Variants in EDIL3 observed in about 807,000 individuals in gnomAD.
The protein encoded by EDIL3 is EGF like and discoidin domains 3, also known as EGF-like repeat and discoidin I-like domain-containing protein 3.
EDIL3 carries 37 observed loss-of-function variants against 67.4 expected under a neutral mutation model. The observed-to-expected ratio is 0.55, with a 90% CI of 0.42 to 0.72. The LOEUF is 0.72. Among genes scored for constraint, EDIL3 ranks in the 30% least tolerant of loss-of-function variants. The pLI is 0.00. For missense variants in EDIL3, 527 were observed against 586.3 expected (o/e 0.90, Z 1.04); for synonymous variants, 195 against 196.3 (o/e 0.99, Z 0.05).
intron 9 of EDIL3, among the ~76,000 whole-genome samples, chr5:83,997,999 C>T (rs750191637): frequency 6.6e-6 from 1 of 152,106 alleles, no homozygotes; most frequent in Admixed American, 6.5e-5. Context: ...TCCTGTTAGA[C>T]CCAACACTGC....
intron 9 of EDIL3, among the ~76,000 whole-genome samples, chr5:84,057,804 C>T (rs1746476336): frequency 6.6e-6 from 1 of 152,040 alleles, no homozygotes; most frequent in African/African-American, 2.4e-5. Flanking sequence ...ATTCATTCAA[C>T]AAATCTTTAT....
At chr5:84,173,955 A>T (rs1229770893) in intron 4 of EDIL3, among the ~76,000 whole-genome samples, 4 of 152,180 alleles carry the variant, frequency 2.6e-5, no homozygotes, top group African/African-American at 9.7e-5. Flanking sequence ...GTCCCTGCCA[A>T]ACCAAAGGTA....
In EDIL3 at chr5:84,016,670, A is replaced by G. The variant is rs142695712; in HGVS notation, c.1137+43630T>C. On this transcript the variant is annotated intron_variant, in intron 9 of 10. Transcript: ENST00000296591. ...ATATTGTATAAATCATCTTCATGCT[A>G]TGTTCATAACTGTATATAAAACAAA... 1.4e-3 allele frequency among the ~76,000 whole-genome samples: 210 copies of G among 152,328 alleles called. 1 individual carries two copies. Among genetic ancestry groups the G allele is most frequent in the African/African-American group, 4.7e-3 (194 of 41,580 alleles).
intron 5 of EDIL3, among the ~76,000 whole-genome samples, chr5:84,133,391 G>A (rs761218566): frequency 5.3e-5 from 8 of 150,294 alleles, no homozygotes; most frequent in African/African-American, 7.4e-5. Flanking sequence ...GGGAGGCCGA[G>A]GTGAGAAGAT....
At chr5:84,350,179 T>C (rs1192216621) in intron 1 of EDIL3, among the ~76,000 whole-genome samples, 1 of 152,110 alleles carries the variant, frequency 6.6e-6, no homozygotes, top group Non-Finnish European at 1.5e-5. Context: ...TTATATTAAA[T>C]TCCTAAAAAT....
rs1440397918 is a variant in EDIL3, at chr5:84,314,982, A to G, written c.68-60770T>C. 3.3e-5 allele frequency among the ~76,000 whole-genome samples: 5 copies of G among 152,150 alleles called. No individual in the cohort carries two copies. The East Asian group carries it at 7.7e-4, about 23-fold the overall frequency. On this transcript the variant is annotated intron_variant, in intron 1 of 10. Transcript: ENST00000296591. ...ATAGGAAGCATAATGTGTGCTACTA[A>G]GTGTTCACAATACATGAATGCTTTT... is the stretch of plus-strand genomic sequence containing the variant.
At chr5:84,303,574 A>G (rs1311980869) in intron 1 of EDIL3, among the ~76,000 whole-genome samples, 2 of 152,204 alleles carry the variant, frequency 1.3e-5, no homozygotes, top group African/African-American at 2.4e-5. Context: ...GCACTCCCCA[A>G]TGAATTTAGA....
At chr5:84,326,948 T>C (rs1409798299) in intron 1 of EDIL3, among the ~76,000 whole-genome samples, 1 of 151,966 alleles carries the variant, frequency 6.6e-6, no homozygotes, top group East Asian at 1.9e-4. Flanking sequence ...TACCCTCCTC[T>C]ACTGCAAAAG....
At position 84,010,796 on chromosome 5, in the gene EDIL3, C is replaced by T. The variant is rs545152392; in HGVS notation, c.1138-47436G>A. ...GTAAATGAATGTCAACCAGGCAGTT[C>T]ACACGTATGTTCAATCACATTCTCC... is the stretch of plus-strand genomic sequence containing the variant. On this transcript the variant is annotated intron_variant, in intron 9 of 10. Coordinates refer to ENST00000296591, the MANE Select transcript of EDIL3 (RefSeq NM_005711.5). Among the ~76,000 whole-genome samples the T allele has an allele frequency of 3.9e-5, 6 of 152,274 alleles. 1 individual carries two copies. The South Asian group carries it at 6.2e-4, about 16-fold the overall frequency.
intron 9 of EDIL3, among the ~76,000 whole-genome samples, chr5:84,011,517 C>T (rs1471594022): frequency 6.6e-6 from 1 of 152,102 alleles, no homozygotes; most frequent in Non-Finnish European, 1.5e-5. Context: ...TCATATATGC[C>T]AACATTACCT....
At chr5:84,275,318 T>C (rs948179189) in intron 1 of EDIL3, among the ~76,000 whole-genome samples, 1 of 152,186 alleles carries the variant, frequency 6.6e-6, no homozygotes, top group Non-Finnish European at 1.5e-5. Flanking sequence ...ACAAAATCCA[T>C]TTTCCTACAA....
intron 5 of EDIL3, among the ~76,000 whole-genome samples, chr5:84,114,539 T>C (rs1747630620): frequency 6.6e-6 from 1 of 152,196 alleles, no homozygotes; most frequent in Admixed American, 6.5e-5. Flanking sequence ...CACTTGGTGA[T>C]GTTCATCTCT....
chr5:84,281,100 CT>C (rs1467311129), intron 1 of EDIL3, among the ~76,000 whole-genome samples: 1 of 152,056 alleles, frequency 6.6e-6, no homozygotes, highest in Non-Finnish European at 1.5e-5. Flanking sequence ...TTATTATCAA[CT>C]ACAAGTATTC....
chr5:84,281,930 G>A (rs747066344), intron 1 of EDIL3, among the ~76,000 whole-genome samples: 9 of 138,200 alleles, frequency 6.5e-5, no homozygotes, highest in Admixed American at 8.0e-5. Context: ...GCAGTGGTGC[G>A]ATCTCGGCTC....
At chr5:84,026,193 A>G (rs1311106358) in intron 9 of EDIL3, among the ~76,000 whole-genome samples, 1 of 152,164 alleles carries the variant, frequency 6.6e-6, no homozygotes, top group Non-Finnish European at 1.5e-5. Flanking sequence ...TGTCCAGGTA[A>G]TTCATATGCA....
chr5:84,107,835 T>TTGA (rs1324568684), intron 5 of EDIL3, among the ~76,000 whole-genome samples: 10 of 150,664 alleles, frequency 6.6e-5, no homozygotes, highest in Non-Finnish European at 1.3e-4. Context: ...AAATTCAGTT[T>TTGA]TGAAAATTCA....
intron 4 of EDIL3, among the ~76,000 whole-genome samples, chr5:84,175,950 T>G (rs1748896611): frequency 6.6e-6 from 1 of 151,932 alleles, no homozygotes; most frequent in Non-Finnish European, 1.5e-5. Flanking sequence ...AATATGTGAT[T>G]AATGCAATTA....
At chr5:84,097,072 C>A (rs1747278096) in intron 6 of EDIL3, among the ~76,000 whole-genome samples, 1 of 152,146 alleles carries the variant, frequency 6.6e-6, no homozygotes, top group African/African-American at 2.4e-5. Flanking sequence ...AATTGCCCAG[C>A]CTCGGGTATG....
chr5:84,307,523 G>C (rs1276195517), intron 1 of EDIL3, among the ~76,000 whole-genome samples: 1 of 152,136 alleles, frequency 6.6e-6, no homozygotes, highest in Admixed American at 6.6e-5. Flanking sequence ...ATAGTTTCTG[G>C]GAAGAGAAAA....
Sources: allele counts gnomAD v4.1 joint callset (sites outside exome capture counted in the v4.1 genomes callset), GRCh38; gene constraint gnomAD v4.1.1; transcripts MANE v1.5; gene names NCBI Gene and HGNC (gene_info 2026-07-23, HGNC 2026-07-21).